CASK: variants seen among roughly 807,000 people sequenced by gnomAD.
The protein encoded by CASK is peripheral plasma membrane protein CASK.
In CASK, 4 loss-of-function variants were observed where a neutral mutation model predicts 82.9. The observed-to-expected ratio is 0.05, with a 90% CI of 0.02 to 0.11. The LOEUF (loss-of-function observed/expected upper bound fraction) is 0.11. Among genes scored for constraint, CASK ranks in the 10% least tolerant of loss-of-function variants. CASK has a pLI of 1.00. For missense variants in CASK, 358 were observed against 720.9 expected, an observed-to-expected ratio of 0.50 and a Z score of 5.76; for synonymous variants, 259 against 253.5, an observed-to-expected ratio of 1.02 and a Z score of -0.20.
At chrX:41,612,390 C>T (rs1307380736) in intron 11 of CASK, among the ~76,000 whole-genome samples, 7 of 102,266 alleles carry the variant, frequency 6.8e-5, no homozygotes, top group African/African-American at 2.1e-4. Context: ...CCGGCAACCG[C>T]CCCGTCTGAG....
chrX:41,673,829 GT>G (rs887137250), intron 5 of CASK, among the ~76,000 whole-genome samples: 1,195 of 51,019 alleles, frequency 0.023, 13 homozygotes, highest in African/African-American at 0.079. Flanking sequence ...AACTCTGGGT[GT>G]TTTTTTTTTT....
intron 12 of CASK, among the ~76,000 whole-genome samples, chrX:41,603,734 GA>G (rs1207140744): frequency 9.0e-6 from 1 of 111,683 alleles, no homozygotes; most frequent in Non-Finnish European, 1.9e-5. Flanking sequence ...ATTTACTATG[GA>G]AACAGCAGTG....
Position 41,531,028 on chromosome X carries a change from T to C in CASK, c.2499A>G (p.Ala833=), listed in dbSNP as rs2064795173. ...IRKIHEQGLI[A]ILDVEPQALK... is the part of the protein sequence containing the mutation. ...TTACCTGAGGCTCCACGTCCAGTATTGCAATCAGCCCCTGCTCGTGGATCT... is the reference window on the plus strand; with the variant it reads ...TTACCTGAGGCTCCACGTCCAGTATCGCAATCAGCCCCTGCTCGTGGATCT... Residue 833 remains alanine, a synonymous_variant, in exon 25 of 27, where the codon GCA becomes GCG. Transcript: ENST00000378163. 1 of 1,209,335 alleles carries C rather than the reference T, an allele frequency of 8.3e-7. No individual in the cohort carries two copies. Among genetic ancestry groups the C allele is most frequent in the Non-Finnish European group, 1.1e-6 (1 of 894,516 alleles).
At chrX:41,657,854 G>A (rs1210103611) in intron 8 of CASK, among the ~76,000 whole-genome samples, 1 of 111,656 alleles carries the variant, frequency 9.0e-6, no homozygotes, top group Non-Finnish European at 1.9e-5. Flanking sequence ...CGCCAAAGAT[G>A]TCTGATGGCT....
intron 5 of CASK, chrX:41,683,207 A>C (rs1336444997): frequency 9.0e-6 from 1 of 111,270 alleles, no homozygotes; most frequent in East Asian, 2.8e-4. Flanking sequence ...GCTGGAGCGC[A>C]GTGGCTATTC....
chrX:41,528,270 A>G (rs1433871765), intron 25 of CASK, among the ~76,000 whole-genome samples: 1 of 112,439 alleles, frequency 8.9e-6, no homozygotes, highest in East Asian at 2.8e-4. Context: ...GCACTATAAG[A>G]ACATAATCTA....
chrX:41,801,602 C>T (rs2069999018), intron 2 of CASK, among the ~76,000 whole-genome samples: 1 of 111,616 alleles, frequency 9.0e-6, no homozygotes, highest in Non-Finnish European at 1.9e-5. Flanking sequence ...TCAAAATGTC[C>T]CTAAGAAAGG....
chrX:41,689,828 C>G (rs910539515), intron 5 of CASK: 1 of 111,499 alleles, frequency 9.0e-6, no homozygotes, highest in Non-Finnish European at 1.9e-5. Context: ...GCGACTATTA[C>G]CAAATAGGTA....
intron 2 of CASK, among the ~76,000 whole-genome samples, chrX:41,804,698 A>G (rs939580304): frequency 1.8e-5 from 2 of 111,627 alleles, no homozygotes; most frequent in Non-Finnish European, 3.8e-5. Flanking sequence ...GTTATTTTAC[A>G]TGCTACAAAT....
chrX:41,801,689 C>A (rs965660051), intron 2 of CASK, among the ~76,000 whole-genome samples: 1 of 111,330 alleles, frequency 9.0e-6, no homozygotes. Flanking sequence ...ACTGGCTGAA[C>A]CTTTATAGGT....
At chrX:41,719,020 T>C (rs1401363789) in intron 5 of CASK, among the ~76,000 whole-genome samples, 1 of 112,518 alleles carries the variant, frequency 8.9e-6, no homozygotes, top group Non-Finnish European at 1.9e-5. Flanking sequence ...TCAGCATTCC[T>C]TCCTGAGGCA....
intron 21 of CASK, among the ~76,000 whole-genome samples, chrX:41,551,957 C>CA (rs1474658102): frequency 9.4e-6 from 1 of 106,369 alleles, no homozygotes; most frequent in Non-Finnish European, 1.9e-5. Flanking sequence ...CACAGAGTCT[C>CA]ACTCTGTCGT....
intron 3 of CASK, among the ~76,000 whole-genome samples, chrX:41,778,137 T>G (rs997310438): frequency 8.9e-6 from 1 of 112,126 alleles, no homozygotes; most frequent in African/African-American, 3.2e-5. Flanking sequence ...CTGTTACAAT[T>G]TTTATAACAA....
rs745801940 is a variant in CASK at position 41,612,992 on chromosome X, C to T, written c.1034-2967G>A. Among the ~76,000 whole-genome samples, 30 of 103,495 alleles carry T rather than the reference C, an allele frequency of 2.9e-4. No homozygotes were observed. The South Asian group carries it at 0.011, about 38-fold the overall frequency. 89.9% of individuals were successfully genotyped at this position (103,495 alleles called of 115,157 possible). Reference sequence around the variant, plus strand: ...AGCCCCTCTGCCTGGCCAGCCGCCCCGTCCGGGAGGGAGGTGGGGGGGTCA... The same window carrying T: ...AGCCCCTCTGCCTGGCCAGCCGCCCTGTCCGGGAGGGAGGTGGGGGGGTCA... On this transcript the variant is annotated intron_variant, in intron 11 of 26. Transcript: ENST00000378163.
At chrX:41,710,077 G>C (rs1391867509) in intron 5 of CASK, among the ~76,000 whole-genome samples, 1 of 89,256 alleles carries the variant, frequency 1.1e-5, no homozygotes, top group African/African-American at 4.3e-5. Context: ...CCAGGGTATA[G>C]ATTTTGTGTG....
chrX:41,624,189 G>C (rs1295917746), intron 10 of CASK: 1 of 331,434 alleles, frequency 3.0e-6, no homozygotes. Context: ...AGTGTGAGGA[G>C]AGAAGACAGA....
intron 5 of CASK, among the ~76,000 whole-genome samples, chrX:41,719,861 C>T (rs1213909914): frequency 8.9e-6 from 1 of 112,712 alleles, no homozygotes; most frequent in African/African-American, 3.2e-5. Flanking sequence ...GGCTATGACC[C>T]AATGCTTGCT....
chrX:41,779,489 C>A (rs948901452), intron 3 of CASK, among the ~76,000 whole-genome samples: 5 of 111,838 alleles, frequency 4.5e-5, no homozygotes, highest in African/African-American at 1.6e-4. Context: ...AGTGAATCAT[C>A]AAGCCTGGGG....
intron 12 of CASK, among the ~76,000 whole-genome samples, chrX:41,590,553 T>C (rs1051349608): frequency 4.6e-5 from 5 of 108,872 alleles, no homozygotes; most frequent in African/African-American, 6.6e-5. Context: ...CTAAATATAT[T>C]TCTAAAATTC....
Sources: allele counts gnomAD v4.1 joint callset (sites outside exome capture counted in the v4.1 genomes callset), GRCh38; gene constraint gnomAD v4.1.1; transcripts MANE v1.5; gene names NCBI Gene and HGNC (gene_info 2026-07-23, HGNC 2026-07-21).